The following BST1 variants were observed in gnomAD, a reference collection of about 807,000 sequenced individuals.
BST1 encodes bone marrow stromal cell antigen 1.
A neutral mutation model predicts 40.6 loss-of-function variants in BST1; 49 were observed. The ratio of observed to expected loss-of-function variants is 1.21; its 90% confidence interval spans 0.96 to 1.53. The LOEUF (loss-of-function observed/expected upper bound fraction) is 1.53, where lower values mean the gene tolerates loss of function less well. Among genes scored for constraint, BST1 ranks in the 40% most tolerant of loss-of-function variants. The pLI, the probability that BST1 is intolerant of heterozygous loss-of-function variation, is 0.00. For synonymous variants in BST1, 157 were observed against 159.3 expected (o/e 0.99, Z 0.11); for missense variants, 423 against 395.9 (o/e 1.07, Z -0.58).
At chr4:15,755,985 G>T in the BST1 span, among the ~76,000 whole-genome samples, 1 of 152,124 alleles carries the variant, frequency 6.6e-6, no homozygotes, top group Non-Finnish European at 1.5e-5. Flanking sequence ...TGATGTTAAG[G>T]TTCTCAAGGT....
In BST1 at chr4:15,732,177, A is replaced by G. The variant is rs1290607205; in HGVS notation, c.*332A>G. ...AATAAAGCTGTATTTTACATCATCT[A>G]TATTTTCCTATATCTCCAGCAGCAC... On this transcript the variant is annotated 3_prime_UTR_variant, in exon 9 of 9. Transcript: ENST00000265016. 7 of 1,029,378 alleles carry G rather than the reference A, an allele frequency of 6.8e-6. No individual in the cohort carries two copies. Among genetic ancestry groups the G allele is most frequent in the East Asian group, 8.2e-5 (1 of 12,152 alleles). The allele number at this position is 1,029,378 out of a possible 1,614,324, so 63.8% of individuals were successfully genotyped here. A position where few individuals can be genotyped will look rare whatever the true frequency, so the allele number is the denominator to read the frequency against.
intron 4 of BST1, among the ~76,000 whole-genome samples, chr4:15,713,386 A>G (rs951166591): frequency 6.6e-6 from 1 of 151,694 alleles, no homozygotes; most frequent in Non-Finnish European, 1.5e-5. Context: ...GGGTTTCACC[A>G]TATTGGCCAG....
chr4:15,741,748 G>T (rs1002207382), downstream of BST1, among the ~76,000 whole-genome samples: 5 of 152,194 alleles, frequency 3.3e-5, no homozygotes, highest in African/African-American at 7.2e-5. Context: ...TCATTAGTTT[G>T]TGCTTATCTA....
chr4:15,725,446 C>T (rs1335372901), intron 8 of BST1, among the ~76,000 whole-genome samples: 2 of 152,174 alleles, frequency 1.3e-5, no homozygotes, highest in Non-Finnish European at 2.9e-5. Context: ...GTTTCTGAGT[C>T]CTTTCACAGG....
At chr4:15,719,083 G>T in intron 7 of BST1, 90 bp downstream of exon 7, 1 of 1,109,972 alleles carries the variant, frequency 9.0e-7, no homozygotes, top group Admixed American at 2.4e-5. Context: ...ATGGCTCTCA[G>T]CTCTGAAGGC....
downstream of BST1, among the ~76,000 whole-genome samples, chr4:15,733,873 A>G (rs1343644934): frequency 6.6e-6 from 1 of 152,200 alleles, no homozygotes; most frequent in Non-Finnish European, 1.5e-5. Flanking sequence ...GAGCCAAACC[A>G]TATCAGAACT....
the BST1 span, among the ~76,000 whole-genome samples, chr4:15,773,076 C>A: frequency 2.8e-4 from 42 of 152,256 alleles, no homozygotes; most frequent in African/African-American, 9.9e-4. Flanking sequence ...TGGAGGAAGG[C>A]GGAAAGAGTG....
At chr4:15,714,845 C>T (rs1020926093) in intron 4 of BST1, among the ~76,000 whole-genome samples, 19 of 152,186 alleles carry the variant, frequency 1.2e-4, no homozygotes, top group African/African-American at 4.3e-4. Flanking sequence ...GTCACTGTCT[C>T]CTCCCTTTCC....
At chr4:15,764,692 A>T in the BST1 span, among the ~76,000 whole-genome samples, 49 of 151,944 alleles carry the variant, frequency 3.2e-4, 2 homozygotes, top group African/African-American at 1.2e-3. Context: ...TCCTCTGGAG[A>T]GCTACCTGTT....
chr4:15,767,038 C>A, the BST1 span, among the ~76,000 whole-genome samples: 1 of 151,834 alleles, frequency 6.6e-6, no homozygotes, highest in Non-Finnish European at 1.5e-5. Context: ...AAGCATGAAC[C>A]ACATAGTAGA....
At chr4:15,736,610 C>CAA (rs111663075), downstream of BST1, among the ~76,000 whole-genome samples, 4 of 128,318 alleles carry the variant, frequency 3.1e-5, no homozygotes, top group Non-Finnish European at 5.1e-5. Flanking sequence ...ACTCTGTCTC[C>CAA]AAAAAAAAAA....
intron 3 of BST1, among the ~76,000 whole-genome samples, chr4:15,709,750 C>A (rs1268015101): frequency 6.6e-6 from 1 of 152,002 alleles, no homozygotes; most frequent in African/African-American, 2.4e-5. Context: ...GGGCCAGCAG[C>A]AATGGTGATG....
At chr4:15,755,196 T>C in the BST1 span, among the ~76,000 whole-genome samples, 1 of 152,196 alleles carries the variant, frequency 6.6e-6, no homozygotes, top group Non-Finnish European at 1.5e-5. Context: ...TGGAGTGCAG[T>C]AGTGCAATCT....
chr4:15,711,904 A>G lies in BST1; in HGVS notation c.534+15A>G, dbSNP rs1720234887. On this transcript the variant is annotated intron_variant, in intron 4 of 8. Coordinates refer to ENST00000265016, the MANE Select transcript of BST1 (RefSeq NM_004334.3). ...CATCCATCCAGGTAATGCTGGGATGATATCTGAGTGGTTGAGCATGTGTGG... is the reference window on the plus strand; with the variant it reads ...CATCCATCCAGGTAATGCTGGGATGGTATCTGAGTGGTTGAGCATGTGTGG... 1.9e-6 allele frequency: 3 copies of G among 1,606,870 alleles called. No individual in the cohort carries two copies. The highest frequency in any genetic ancestry group is 2.6e-6 in the Non-Finnish European group (3 of 1,173,564).
At chr4:15,738,899 A>G (rs1291045106), downstream of BST1, among the ~76,000 whole-genome samples, 1 of 152,238 alleles carries the variant, frequency 6.6e-6, no homozygotes, top group Non-Finnish European at 1.5e-5. Context: ...AACCTGAGAG[A>G]CAGCCCAGGC....
At chr4:15,757,437 T>C in the BST1 span, among the ~76,000 whole-genome samples, 4 of 152,052 alleles carry the variant, frequency 2.6e-5, no homozygotes, top group East Asian at 7.7e-4. Context: ...ACTGTCCTAG[T>C]CCTGTGACCT....
chr4:15,707,283 G>C (rs895703078), intron 2 of BST1, among the ~76,000 whole-genome samples: 1 of 152,204 alleles, frequency 6.6e-6, no homozygotes, highest in African/African-American at 2.4e-5. Context: ...GTACTAGTGA[G>C]AAAATATTCC....
chr4:15,771,919 T>TA, the BST1 span, among the ~76,000 whole-genome samples: 1 of 152,202 alleles, frequency 6.6e-6, no homozygotes, highest in East Asian at 1.9e-4. Flanking sequence ...TGCTGGTGTT[T>TA]AATGTCTTCA....
intron 8 of BST1, among the ~76,000 whole-genome samples, chr4:15,728,644 T>C (rs1400777356): frequency 6.2e-5 from 6 of 96,332 alleles, no homozygotes; most frequent in Non-Finnish European, 1.3e-4. Flanking sequence ...CCTTCCTTCC[T>C]TTTTTTTTTT....
Sources: gnomAD v4.1 joint callset for allele counts (sites outside exome capture counted in the v4.1 genomes callset) on GRCh38, gnomAD v4.1.1 for gene constraint, MANE v1.5 for transcripts, NCBI Gene and HGNC (gene_info 2026-07-23, HGNC 2026-07-21) for gene names.